Variants in TGM5 observed in about 807,000 individuals in gnomAD.
TGM5 encodes the protein protein-glutamine gamma-glutamyltransferase 5.
In TGM5, 69 loss-of-function variants were observed where a neutral mutation model predicts 77.2. The observed-to-expected ratio is 0.89, with a 90% CI of 0.74 to 1.09. The LOEUF (loss-of-function observed/expected upper bound fraction) is 1.09. Among genes scored for constraint, TGM5 ranks in the 50% least tolerant of loss-of-function variants. The pLI, the probability that TGM5 is intolerant of heterozygous loss-of-function variation, is 0.00. For synonymous variants in TGM5, 346 were observed against 351.8 expected (o/e 0.98, Z 0.18); for missense variants, 842 against 896.5 (o/e 0.94, Z 0.78).
chr15:43,266,440 G>A (rs1294394590), intron 1 of TGM5, among the ~76,000 whole-genome samples: 1 of 152,222 alleles, frequency 6.6e-6, no homozygotes, highest in Non-Finnish European at 1.5e-5. Flanking sequence ...AGAGCTGGAA[G>A]ACAATTTCAA....
rs74487005 is a variant in TGM5, at chr15:43,252,863, G to A, written c.758C>T (p.Ala253Val). The part of the protein sequence containing the change: ...SENYTDGANP[A>V]EWTGSVAILK... ...GATGGCCACGCTGCCCGTCCACTCC[G>A]CAGGGTTGGCGCCGTCTGTGTAATT... The change falls in exon 6 of 13, where the codon GCG becomes GTG. Residue 253 changes from alanine to valine, a missense_variant. This residue lies in a region of TGM5 where 815 missense variants were observed against 844.6 expected (regional missense o/e 0.96). Transcript: ENST00000220420. 5.6e-5 allele frequency: 90 copies of A among 1,613,850 alleles called. No individual in the cohort carries two copies. The highest frequency in any genetic ancestry group is 6.7e-5 in the Non-Finnish European group (79 of 1,180,008).
chr15:43,259,504 G>A (rs943516861), intron 3 of TGM5, among the ~76,000 whole-genome samples: 1 of 151,316 alleles, frequency 6.6e-6, no homozygotes, highest in Non-Finnish European at 1.5e-5. Flanking sequence ...CTCACTTACG[G>A]TATGTATTGT....
chr15:43,250,230 A>T (rs1273125784), intron 6 of TGM5, among the ~76,000 whole-genome samples: 1 of 152,144 alleles, frequency 6.6e-6, no homozygotes, highest in Admixed American at 6.6e-5. Flanking sequence ...CATTTAGGGG[A>T]TCAGACAAGA....
chr15:43,244,772 A>T (rs2142365291), intron 6 of TGM5, among the ~76,000 whole-genome samples: 1 of 152,316 alleles, frequency 6.6e-6, no homozygotes, highest in South Asian at 2.1e-4. Context: ...GGTGTATTAA[A>T]ATGATGAGTA....
At chr15:43,240,021 G>A (rs988653181) in intron 7 of TGM5, among the ~76,000 whole-genome samples, 8 of 152,032 alleles carry the variant, frequency 5.3e-5, no homozygotes, top group Non-Finnish European at 1.0e-4. Context: ...TTACCCCCAT[G>A]GCTAGGCATA....
intron 6 of TGM5, among the ~76,000 whole-genome samples, chr15:43,251,791 C>T (rs1339223365): frequency 1.3e-5 from 2 of 152,226 alleles, no homozygotes; most frequent in South Asian, 2.1e-4. Flanking sequence ...CTCCTCATCT[C>T]CTCCTCTTGT....
chr15:43,239,212 TG>T lies in TGM5; in HGVS notation c.1055del (p.Ala352AspfsTer15), dbSNP rs2042615920. ...CWMARKDLPP[A>X]YGGWQVLDAT... The stretch of plus-strand genomic sequence containing the variant: ...CGTCCAGCACCTGCCAGCCTCCATA[TG>T]CAGGGGGCAGATCCTTCCGGGCCAT... On this transcript the variant is annotated frameshift_variant, in exon 8 of 13. Coordinates refer to ENST00000220420, the MANE Select transcript of TGM5 (RefSeq NM_201631.4). LOFTEE classifies it high-confidence loss of function. 1 of 1,614,032 alleles carries T rather than the reference TG, an allele frequency of 6.2e-7. No individual in the cohort carries two copies. Among genetic ancestry groups the T allele is most frequent in the Admixed American group, 1.7e-5 (1 of 60,000 alleles).
At chr15:43,259,897 T>C (rs1374048954) in intron 3 of TGM5, among the ~76,000 whole-genome samples, 155 bp downstream of exon 3, 1 of 152,246 alleles carries the variant, frequency 6.6e-6, no homozygotes, top group Non-Finnish European at 1.5e-5. Flanking sequence ...CAAGATTTCC[T>C]GCCCTGATTG....
Position 43,240,839 on chromosome 15 carries a change from G to T in TGM5, c.1001+13C>A. 6.2e-7 allele frequency: 1 copy of T among 1,614,044 alleles called. No homozygotes were observed. Among genetic ancestry groups the T allele is most frequent in the Non-Finnish European group, 8.5e-7 (1 of 1,179,988 alleles). ...GTGTGGCCCTAGAAATAGGTTGAGA[G>T]GTTGTTTCTCACCAGATAGTATCCT... On this transcript the variant is annotated intron_variant, in intron 7 of 12. Transcript: ENST00000220420.
intron 3 of TGM5, among the ~76,000 whole-genome samples, chr15:43,258,835 C>A (rs1473848429): frequency 6.6e-6 from 1 of 152,098 alleles, no homozygotes; most frequent in African/African-American, 2.4e-5. Context: ...CGCTTTTCTC[C>A]CCACTGCTCA....
At chr15:43,251,666 G>A (rs1353088406) in intron 6 of TGM5, among the ~76,000 whole-genome samples, 2 of 152,176 alleles carry the variant, frequency 1.3e-5, no homozygotes, top group African/African-American at 4.8e-5. Context: ...CTGGGTGTGG[G>A]GCAGGGTGAG....
At position 43,233,337 on chromosome 15, in the gene TGM5, C is replaced by T; in HGVS notation, c.2017G>A (p.Val673Ile). Residue 673 changes from valine (V) to isoleucine (I), a missense_variant, in exon 13 of 13, where the codon GTC (valine) becomes ATC (isoleucine). This residue lies in a region of TGM5 where 815 missense variants were observed against 844.6 expected (regional missense o/e 0.96). Coordinates refer to ENST00000220420, the MANE Select transcript of TGM5 (RefSeq NM_201631.4). ...CTTGCTTGGTGTTGGGGTTTGAGGA[C>T]TCCAAGGCTGCAACAGAGAATGGAG... ...FKKQQKVFLG[V>I]LKPQHQASII... 1 of 1,613,742 alleles carries T rather than the reference C, an allele frequency of 6.2e-7. No homozygotes were observed. Among genetic ancestry groups the T allele is most frequent in the Non-Finnish European group, 8.5e-7 (1 of 1,180,038 alleles).
At chr15:43,264,964 C>T (rs1456777668) in intron 1 of TGM5, among the ~76,000 whole-genome samples, 2 of 152,164 alleles carry the variant, frequency 1.3e-5, no homozygotes, top group African/African-American at 4.8e-5. Context: ...ATTGTAGGTA[C>T]TCAGATTTGC....
chr15:43,233,918 CT>C (rs1359403959), intron 11 of TGM5, among the ~76,000 whole-genome samples: 1 of 152,186 alleles, frequency 6.6e-6, no homozygotes, highest in Non-Finnish European at 1.5e-5. Context: ...GGTGTCCCCC[CT>C]CCCCTCTCTA....
intron 6 of TGM5, 58 bp downstream of exon 6, chr15:43,252,701 G>T (rs2042712756): frequency 3.1e-6 from 5 of 1,587,854 alleles, no homozygotes; most frequent in African/African-American, 1.3e-5. Context: ...GGTTCAGAAG[G>T]CTCATACATG....
intron 1 of TGM5, among the ~76,000 whole-genome samples, chr15:43,266,289 G>A (rs1009607928): frequency 3.3e-5 from 5 of 152,186 alleles, no homozygotes; most frequent in African/African-American, 9.7e-5. Context: ...TTCAACTAAC[G>A]ATTTAATCTT....
chr15:43,238,507 A>G (rs1241005003), intron 9 of TGM5, among the ~76,000 whole-genome samples: 2 of 152,252 alleles, frequency 1.3e-5, no homozygotes, highest in African/African-American at 4.8e-5. Flanking sequence ...CAGAGTGTTT[A>G]CTAAATTCCC....
chr15:43,256,539 G>C (rs1484680046), intron 4 of TGM5, 29 bp downstream of exon 4: 17 of 1,559,388 alleles, frequency 1.1e-5, no homozygotes, highest in Non-Finnish European at 1.5e-5. Context: ...TCGGGGCCGG[G>C]ATGGGCCATA....
chr15:43,240,769 G>T, intron 7 of TGM5, 83 bp downstream of exon 7: 3 of 1,586,154 alleles, frequency 1.9e-6, no homozygotes, highest in Non-Finnish European at 2.6e-6. Context: ...CCAGGCTCAT[G>T]GACCTCGTTC....
Sources: gnomAD v4.1 joint callset for allele counts (sites outside exome capture counted in the v4.1 genomes callset) on GRCh38, gnomAD v4.1.1 for gene constraint, gnomAD v4.1.1 regional missense constraint, MANE v1.5 for transcripts, NCBI Gene and HGNC (gene_info 2026-07-23, HGNC 2026-07-21) for gene names.